The following UBE2D2 variants were observed in gnomAD, a reference collection of about 807,000 sequenced individuals.
UBE2D2 encodes the protein ubiquitin conjugating enzyme E2 D2.
A neutral mutation model predicts 24.2 loss-of-function variants in UBE2D2; 2 were observed. The observed-to-expected ratio is 0.08, with a 90% CI of 0.03 to 0.26. The LOEUF (loss-of-function observed/expected upper bound fraction) is 0.26, where lower values mean the gene tolerates loss of function less well. Among genes scored for constraint, UBE2D2 ranks in the 10% least tolerant of loss-of-function variants. The probability of loss-of-function intolerance (pLI) is 1.00; values close to 1 mark genes in which losing one functional copy is unlikely to be tolerated. For synonymous variants in UBE2D2, 58 were observed against 56.5 expected, an observed-to-expected ratio of 1.03 and a Z score of -0.12; for missense variants, 44 against 177.6, an observed-to-expected ratio of 0.25 and a Z score of 4.28.
intron 1 of UBE2D2, among the ~76,000 whole-genome samples, chr5:139,581,076 TG>T (rs1000826995): frequency 5.3e-4 from 81 of 152,054 alleles, no homozygotes; most frequent in African/African-American, 1.6e-3. Context: ...AAGGTGGATG[TG>T]GGGGAGGAGA....
intron 1 of UBE2D2, chr5:139,562,049 C>T (rs1256303947): frequency 2.4e-6 from 2 of 820,192 alleles, no homozygotes; most frequent in Non-Finnish European, 3.6e-6. Context: ...CCCGGCTGCC[C>T]TTCCAGGCCC....
intron 1 of UBE2D2, among the ~76,000 whole-genome samples, chr5:139,550,532 G>C (rs971428767): frequency 6.6e-6 from 1 of 152,168 alleles, no homozygotes; most frequent in Admixed American, 6.5e-5. Flanking sequence ...GCCTGCGCTA[G>C]TAGTGGCAAC....
chr5:139,560,787 A>G (rs1753059289), upstream of UBE2D2, among the ~76,000 whole-genome samples: 2 of 152,080 alleles, frequency 1.3e-5, no homozygotes, highest in South Asian at 4.1e-4. Context: ...ACAACATTCA[A>G]ATCCTCTCCA....
intron 1 of UBE2D2, among the ~76,000 whole-genome samples, chr5:139,540,792 A>G (rs1752749841): frequency 6.6e-6 from 1 of 152,068 alleles, no homozygotes; most frequent in Admixed American, 6.6e-5. Flanking sequence ...GGAGTTCGAG[A>G]GCAGCCTGCC....
At chr5:139,616,441 C>T (rs1315753214) in intron 5 of UBE2D2, among the ~76,000 whole-genome samples, 1 of 151,950 alleles carries the variant, frequency 6.6e-6, no homozygotes, top group Non-Finnish European at 1.5e-5. Flanking sequence ...AGAGAAAAAT[C>T]AAATATGGTA....
At chr5:139,539,064 G>A (rs528800183) in intron 1 of UBE2D2, among the ~76,000 whole-genome samples, 6 of 151,896 alleles carry the variant, frequency 4.0e-5, no homozygotes, top group African/African-American at 7.2e-5. Context: ...TCGCTCTGTC[G>A]CCCAGGCTGG....
intron 2 of UBE2D2, among the ~76,000 whole-genome samples, chr5:139,607,916 C>T (rs1023655675): frequency 3.3e-5 from 5 of 151,136 alleles, no homozygotes; most frequent in Admixed American, 6.6e-5. Flanking sequence ...AGTTGGCTGA[C>T]GTGGGAGGAT....
chr5:139,605,406 C>T, intron 2 of UBE2D2, among the ~76,000 whole-genome samples: 1 of 151,778 alleles, frequency 6.6e-6, no homozygotes, highest in Non-Finnish European at 1.5e-5. Flanking sequence ...TCCTGGCTAA[C>T]ATGGTGAAAC....
At chr5:139,574,750 AAAAG>A (rs1289284265) in intron 1 of UBE2D2, among the ~76,000 whole-genome samples, 1 of 150,490 alleles carries the variant, frequency 6.6e-6, no homozygotes, top group Non-Finnish European at 1.5e-5. Context: ...AAAAAAAAAA[AAAAG>A]AAAAGAAAAG....
At chr5:139,562,312 C>G (rs776585061) in intron 1 of UBE2D2, 22 of 1,349,648 alleles carry the variant, frequency 1.6e-5, no homozygotes, top group Non-Finnish European at 2.2e-5. Context: ...ACAAGTATAT[C>G]CTGAGTTCAC....
chr5:139,591,269 C>T (rs1449457911), intron 1 of UBE2D2, among the ~76,000 whole-genome samples: 3 of 151,136 alleles, frequency 2.0e-5, no homozygotes, highest in Non-Finnish European at 4.4e-5. Context: ...TACAGGCATG[C>T]ACCACCACGC....
chr5:139,626,680 G>A, intron 6 of UBE2D2, 76 bp from the exon 7 acceptor site: 1 of 1,242,536 alleles, frequency 8.0e-7, no homozygotes, highest in East Asian at 2.3e-5. Flanking sequence ...CAAGTTACTT[G>A]ATGGGATAAT....
chr5:139,608,921 C>G (rs1460210581), intron 2 of UBE2D2, among the ~76,000 whole-genome samples: 1 of 151,960 alleles, frequency 6.6e-6, no homozygotes, highest in Non-Finnish European at 1.5e-5. Flanking sequence ...CCAGTCTCCA[C>G]TAAAAATACA....
intron 1 of UBE2D2, among the ~76,000 whole-genome samples, chr5:139,589,033 A>G (rs879296005): frequency 3.3e-5 from 5 of 152,114 alleles, no homozygotes; most frequent in Non-Finnish European, 5.9e-5. Context: ...GGCTGAAGCT[A>G]TCCTCCCTTG....
intron 5 of UBE2D2, among the ~76,000 whole-genome samples, chr5:139,616,135 A>G (rs899701424): frequency 6.7e-6 from 1 of 149,864 alleles, no homozygotes; most frequent in African/African-American, 2.4e-5. Flanking sequence ...TGCCCAGCCA[A>G]ATAATCTAGA....
chr5:139,620,010 C>G (rs1754484704), intron 5 of UBE2D2, among the ~76,000 whole-genome samples: 1 of 152,116 alleles, frequency 6.6e-6, no homozygotes, highest in East Asian at 1.9e-4. Context: ...GTAGCAGGAC[C>G]AAGAGAGAGA....
At chr5:139,586,760 G>A (rs1028998574) in intron 1 of UBE2D2, among the ~76,000 whole-genome samples, 7 of 150,688 alleles carry the variant, frequency 4.6e-5, no homozygotes, top group South Asian at 2.1e-4. Flanking sequence ...GCGAGACTCC[G>A]TCTCAAAAAA....
chr5:139,615,946 C>G (rs920792208), intron 5 of UBE2D2, among the ~76,000 whole-genome samples: 3 of 149,566 alleles, frequency 2.0e-5, no homozygotes, highest in African/African-American at 7.4e-5. Flanking sequence ...AGCAATTCTC[C>G]TGCCTCAGCC....
intron 1 of UBE2D2, among the ~76,000 whole-genome samples, chr5:139,537,963 C>CA (rs200505310): frequency 9.7e-4 from 128 of 132,244 alleles, no homozygotes; most frequent in Middle Eastern, 3.9e-3. Flanking sequence ...GACTCCGTCT[C>CA]AAAAAAAAAA....
Sources: gnomAD v4.1 joint callset for allele counts (sites outside exome capture counted in the v4.1 genomes callset) on GRCh38, gnomAD v4.1.1 for gene constraint, MANE v1.5 for transcripts, NCBI Gene and HGNC (gene_info 2026-07-23, HGNC 2026-07-21) for gene names.